MYRIP: variants seen among roughly 807,000 people sequenced by gnomAD.
MYRIP encodes the protein myosin VIIA and Rab interacting protein, also known as rab effector MyRIP.
In MYRIP, 49 loss-of-function variants were observed where a neutral mutation model predicts 98.0. The ratio of observed to expected loss-of-function variants is 0.50; its 90% CI spans 0.40 to 0.63. MYRIP has a LOEUF of 0.63. Among genes scored for constraint, MYRIP ranks in the 30% least tolerant of loss-of-function variants. MYRIP has a pLI of 0.00. For synonymous variants in MYRIP, 404 were observed against 409.5 expected, an observed-to-expected ratio of 0.99 and a Z score of 0.16; for missense variants, 1,004 against 1,058.2, an observed-to-expected ratio of 0.95 and a Z score of 0.71.
chr3:39,859,419 T>C (rs1942396793), intron 1 of MYRIP, among the ~76,000 whole-genome samples: 2 of 152,182 alleles, frequency 1.3e-5, no homozygotes, highest in African/African-American at 4.8e-5. Context: ...CCAGACTAGA[T>C]GACTTTAAAG....
chr3:40,163,587 C>T (rs1220673828), intron 5 of MYRIP, among the ~76,000 whole-genome samples: 1 of 152,132 alleles, frequency 6.6e-6, no homozygotes, highest in Non-Finnish European at 1.5e-5. Flanking sequence ...ATTCACTCTC[C>T]CTCTTCTGGA....
chr3:39,888,141 C>T (rs1195840339), intron 1 of MYRIP, among the ~76,000 whole-genome samples: 5 of 152,012 alleles, frequency 3.3e-5, no homozygotes, highest in Admixed American at 1.3e-4. Context: ...CCCCATCAAG[C>T]TACCAATGCC....
chr3:40,078,513 G>A (rs187537801), intron 3 of MYRIP, among the ~76,000 whole-genome samples: 15 of 152,312 alleles, frequency 9.8e-5, no homozygotes, highest in African/African-American at 3.6e-4. Flanking sequence ...TTCAGTTAGA[G>A]GATAAAACCA....
rs375455251 is a variant in MYRIP, at chr3:40,190,433, C to T, written c.1635C>T (p.Ser545=). ...CAAGCAAAGAACCATCTTCCCCCAG[C>T]GCCCAGCTCCGGGATCTAGACACAC... ...EEPSKEPSSP[S]AQLRDLDTHQ... is the part of the protein sequence containing the mutation. The change falls in exon 10 of 17, where the codon AGC becomes AGT. Residue 545 remains serine, a synonymous_variant. Transcript: ENST00000302541. The T allele has an allele frequency of 1.6e-5, 26 of 1,602,644 alleles. No individual in the cohort carries two copies. In the Middle Eastern group the frequency reaches 5.0e-4, roughly 31 times the overall value.
In MYRIP at chr3:40,162,191, T is replaced by TTA. The variant is rs1215267810; in HGVS notation, c.470-527_470-526dup. Among the ~76,000 whole-genome samples the TTA allele has an allele frequency of 2.8e-3, 431 of 151,686 alleles. 3 individuals are homozygous for TTA. The highest frequency in any genetic ancestry group is 9.4e-3 in the African/African-American group (391 of 41,378). ...CAAAGCACTTAACCTATCTATAATTTTATATATATATATTTATATAAGTAT... is the reference window on the plus strand; with the variant it reads ...CAAAGCACTTAACCTATCTATAATTTTATATATATATATATTTATATAAGTAT... On this transcript the variant is annotated intron_variant, in intron 4 of 16. Coordinates refer to ENST00000302541, the MANE Select transcript of MYRIP (RefSeq NM_015460.4).
At chr3:40,164,559 T>A (rs1163813168) in intron 5 of MYRIP, among the ~76,000 whole-genome samples, 1 of 152,192 alleles carries the variant, frequency 6.6e-6, no homozygotes, top group East Asian at 1.9e-4. Flanking sequence ...GTTAACCACA[T>A]CTAAAGAATA....
At chr3:39,962,385 C>T (rs1575417411) in intron 2 of MYRIP, among the ~76,000 whole-genome samples, 1 of 151,382 alleles carries the variant, frequency 6.6e-6, no homozygotes, top group Non-Finnish European at 1.5e-5. Flanking sequence ...CCCTGTCAGT[C>T]TGCTGGGACA....
At chr3:40,213,605 G>A (rs564187209) in intron 11 of MYRIP, among the ~76,000 whole-genome samples, 1 of 101,802 alleles carries the variant, frequency 9.8e-6, no homozygotes, top group African/African-American at 3.1e-5. Flanking sequence ...CCACTAGTCT[G>A]AGCAACACAC....
At chr3:40,061,143 C>T (rs1199389430) in intron 3 of MYRIP, among the ~76,000 whole-genome samples, 1 of 152,098 alleles carries the variant, frequency 6.6e-6, no homozygotes, top group Admixed American at 6.6e-5. Context: ...AGGTAAACTT[C>T]TGTCACAGGG....
rs1559455275 is a variant in MYRIP at position 40,210,094 on chromosome 3, G to GT, written c.1905+2dup. The GT allele has an allele frequency of 6.2e-7, 1 of 1,613,440 alleles. No individual in the cohort carries two copies. The highest frequency in any genetic ancestry group is 1.1e-5 in the South Asian group (1 of 91,026). ...GAGTGTCCAGGAAGAGCTGAAGAAG[G>GT]TAAGGGCTGTGAAGCCACCTGCAGA... On this transcript the variant is annotated splice_donor_variant, in intron 11 of 16. Transcript: ENST00000302541. LOFTEE classifies it high-confidence loss of function.
At chr3:39,991,929 A>G (rs1946190415) in intron 2 of MYRIP, among the ~76,000 whole-genome samples, 1 of 152,184 alleles carries the variant, frequency 6.6e-6, no homozygotes, top group South Asian at 2.1e-4. Flanking sequence ...CATAGTGCAC[A>G]CTAAGGGCTC....
intron 1 of MYRIP, among the ~76,000 whole-genome samples, chr3:39,891,900 C>A (rs895440031): frequency 7.4e-6 from 1 of 135,420 alleles, no homozygotes; most frequent in African/African-American, 2.7e-5. Flanking sequence ...TTACACATAC[C>A]TTTTCTGTTT....
At chr3:40,015,102 G>C (rs1042839714) in intron 2 of MYRIP, among the ~76,000 whole-genome samples, 1 of 152,142 alleles carries the variant, frequency 6.6e-6, no homozygotes, top group Admixed American at 6.5e-5. Flanking sequence ...ACTTTTAGTG[G>C]ATCTGTTTTA....
chr3:40,026,572 C>T (rs1947134837), intron 2 of MYRIP, among the ~76,000 whole-genome samples: 1 of 152,134 alleles, frequency 6.6e-6, no homozygotes, highest in East Asian at 1.9e-4. Flanking sequence ...GATAAATGTC[C>T]ATGAAATCTT....
At chr3:40,191,203 C>A (rs1476177222) in intron 10 of MYRIP, among the ~76,000 whole-genome samples, 1 of 152,178 alleles carries the variant, frequency 6.6e-6, no homozygotes, top group Non-Finnish European at 1.5e-5. Context: ...CACACACATA[C>A]TCACACATGC....
At position 40,102,377 on chromosome 3, in the gene MYRIP, C is replaced by T. The variant is rs145882683; in HGVS notation, c.333-48671C>T. On this transcript the variant is annotated intron_variant, in intron 3 of 16. Transcript: ENST00000302541. The stretch of plus-strand genomic sequence containing the variant: ...GGGCTCTGATATATGAATCAGGCTT[C>T]CCACTGCAGCATCAGGATTTAGCTT... 9.2e-3 allele frequency among the ~76,000 whole-genome samples: 1,400 copies of T among 152,268 alleles called. 16 individuals carry two copies. The highest frequency in any genetic ancestry group is 0.015 in the Non-Finnish European group (1,015 of 68,022).
chr3:39,967,176 A>G lies in MYRIP; in HGVS notation c.110+66250A>G, dbSNP rs1002352882. ...TTTGTCATGGGAGTTTGTTGTAGAG[A>G]TTATATCATCATGCAGGTATTAAGC... On this transcript the variant is annotated intron_variant, in intron 2 of 16. Transcript: ENST00000302541. Among the ~76,000 whole-genome samples the G allele has an allele frequency of 2.6e-5, 4 of 152,062 alleles. No individual in the cohort carries two copies. The East Asian group carries it at 7.7e-4, about 29-fold the overall frequency.
At chr3:40,243,962 T>C (rs1043620934) in intron 12 of MYRIP, among the ~76,000 whole-genome samples, 2 of 152,230 alleles carry the variant, frequency 1.3e-5, no homozygotes, top group African/African-American at 4.8e-5. Flanking sequence ...CGTTGAAGCA[T>C]GCAGAAGCTA....
chr3:39,887,522 G>T (rs538567121), intron 1 of MYRIP, among the ~76,000 whole-genome samples: 2 of 152,174 alleles, frequency 1.3e-5, no homozygotes, highest in Non-Finnish European at 2.9e-5. Context: ...TTGATGGGAC[G>T]TATTTCAAAA....
Sources: gnomAD v4.1 joint callset for allele counts (sites outside exome capture counted in the v4.1 genomes callset) on GRCh38, gnomAD v4.1.1 for gene constraint, MANE v1.5 for transcripts, NCBI Gene and HGNC (gene_info 2026-07-23, HGNC 2026-07-21) for gene names.